DROSHA: variants seen among roughly 807,000 people sequenced by gnomAD.
The protein encoded by DROSHA is ribonuclease 3.
DROSHA carries 56 observed loss-of-function variants against 181.9 expected under a neutral mutation model. The observed-to-expected ratio is 0.31, with a 90% CI of 0.25 to 0.38. The LOEUF (loss-of-function observed/expected upper bound fraction) is 0.38. DROSHA is among the 10% of genes least tolerant of loss of function. The pLI is 1.00. For missense variants in DROSHA, 1,218 were observed against 1,743.5 expected (o/e 0.70, Z 5.37); for synonymous variants, 524 against 591.2 (o/e 0.89, Z 1.65).
chr5:31,484,380 C>CAAA lies in DROSHA; in HGVS notation c.1996+498_1996+500dup, dbSNP rs377304788. 8.8e-4 allele frequency among the ~76,000 whole-genome samples: 73 copies of CAAA among 82,968 alleles called. 6 individuals are homozygous for CAAA. The highest frequency in any genetic ancestry group is 3.4e-3 in the African/African-American group (56 of 16,614). 54.4% of individuals were successfully genotyped at this position (82,968 alleles called of 152,430 possible). ...TGGGCGACAGAGCGAGACTCCGTCT[C>CAAA]AAAAAAAAAAAAAAAAAAAAAAAAA... On this transcript the variant is annotated intron_variant, in intron 15 of 35. Transcript: ENST00000344624.
At chr5:31,455,753 A>G (rs1370318655) in intron 20 of DROSHA, among the ~76,000 whole-genome samples, 1 of 149,166 alleles carries the variant, frequency 6.7e-6, no homozygotes, top group Non-Finnish European at 1.5e-5. Flanking sequence ...TGATCCTCCC[A>G]CCTCAGCCTC....
rs1470885633 is a variant in DROSHA, at chr5:31,409,472, A to G, written c.3668-140T>C. On this transcript the variant is annotated intron_variant, in intron 31 of 35. Coordinates refer to ENST00000344624, the MANE Select transcript of DROSHA (RefSeq NM_001382508.1). This position sits in a 1 kb window ranked among gnomAD's most constrained non-coding sequence, Gnocchi z 4.0. ...CTTTATTTTTCAGTGCTACCATTTC[A>G]TCTTCCCCCACTTTTTATCATTAAT... is the stretch of plus-strand genomic sequence containing the variant. The G allele has an allele frequency of 1.5e-6, 1 of 683,532 alleles. No homozygotes were observed. Among genetic ancestry groups the G allele is most frequent in the African/African-American group, 1.8e-5 (1 of 55,066 alleles). The allele number at this position is 683,532 out of a possible 1,614,324, so 42.3% of individuals were successfully genotyped here.
intron 18 of DROSHA, chr5:31,467,628 A>C (rs1330392899): frequency 6.5e-6 from 1 of 154,392 alleles, no homozygotes; most frequent in African/African-American, 2.4e-5. Context: ...AAAATAAAAA[A>C]TAATAATTAT....
rs1040898144 is a variant in DROSHA at position 31,530,874 on chromosome 5, G to A, written c.-123C>T. The A allele has an allele frequency of 5.0e-6, 2 of 398,410 alleles. No homozygotes were observed. The highest frequency in any genetic ancestry group is 2.1e-5 in the African/African-American group (1 of 48,608). The allele number at this position is 398,410 out of a possible 1,614,324, so 24.7% of individuals were successfully genotyped here. A position where few individuals can be genotyped will look rare whatever the true frequency, so the allele number is the denominator to read the frequency against. On this transcript the variant is annotated 5_prime_UTR_variant, in exon 3 of 36. Transcript: ENST00000344624. ...TAGATTATCAGCTCCTTGATGATATGGGTTGATTCACAGTCATTTCTGTAT... is the reference window on the plus strand; with the variant it reads ...TAGATTATCAGCTCCTTGATGATATAGGTTGATTCACAGTCATTTCTGTAT...
At position 31,514,492 on chromosome 5, in the gene DROSHA, A is replaced by T. The variant is rs1176332635; in HGVS notation, c.1290+496T>A. On this transcript the variant is annotated intron_variant, in intron 8 of 35. Coordinates refer to ENST00000344624, the MANE Select transcript of DROSHA (RefSeq NM_001382508.1). The surrounding 1 kb of genome is among the most constrained non-coding windows in gnomAD (Gnocchi z 4.4). ...CTCATCTCTACTAAAAAATAAAAAA[A>T]AATTAGCCAGTCATGGTGGCACGTG... Among the ~76,000 whole-genome samples the T allele has an allele frequency of 6.6e-6, 1 of 152,000 alleles. No homozygotes were observed. The highest frequency in any genetic ancestry group is 1.5e-5 in the Non-Finnish European group (1 of 67,984).
rs561462275 is a variant in DROSHA at position 31,401,533 on chromosome 5, G to T, written c.4024C>A (p.Arg1342=). The T allele has an allele frequency of 1.2e-5, 19 of 1,595,168 alleles. No homozygotes were observed. In the African/African-American group the frequency reaches 2.6e-4, roughly 21 times the overall value. ...YNFPQMAHQK[R]FIERKYRQEL... is the part of the protein sequence containing the mutation. Reference sequence around the variant, plus strand: ...TGTCTGTACTTCCGTTCGATGAACCGCTTCTGATGGGCCATCTGGGGAAAA... The same window carrying T: ...TGTCTGTACTTCCGTTCGATGAACCTCTTCTGATGGGCCATCTGGGGAAAA... The change falls in exon 36 of 36, where the codon CGG becomes AGG. Residue 1342 remains arginine (R), a synonymous_variant. Transcript: ENST00000344624.
chr5:31,513,056 ACT>A (rs1463013537), intron 8 of DROSHA, among the ~76,000 whole-genome samples: 2 of 152,206 alleles, frequency 1.3e-5, no homozygotes, highest in African/African-American at 2.4e-5. Context: ...CATTTGTGGA[ACT>A]CTGTCATGGC....
At chr5:31,476,693 C>T (rs536394381) in intron 16 of DROSHA, among the ~76,000 whole-genome samples, 1 of 152,238 alleles carries the variant, frequency 6.6e-6, no homozygotes, top group African/African-American at 2.4e-5. Flanking sequence ...AGACTCTGCT[C>T]CCTGTCTGGT....
intron 25 of DROSHA, among the ~76,000 whole-genome samples, 166 bp downstream of exon 25, chr5:31,435,599 T>G (rs1045839416): frequency 6.6e-6 from 1 of 152,212 alleles, no homozygotes; most frequent in Admixed American, 6.5e-5. Context: ...GTAACAGAAC[T>G]AATAAGACTG....
At chr5:31,480,882 C>G (rs1750958276) in intron 16 of DROSHA, among the ~76,000 whole-genome samples, 2 of 152,024 alleles carry the variant, frequency 1.3e-5, no homozygotes. Context: ...ATGGGAAAGG[C>G]AAAATGCTAA....
intron 11 of DROSHA, among the ~76,000 whole-genome samples, chr5:31,499,753 A>G (rs1482670846): frequency 6.6e-6 from 1 of 152,206 alleles, no homozygotes; most frequent in East Asian, 1.9e-4. Flanking sequence ...GGGATGGGGT[A>G]AGAATCTGCC....
intron 35 of DROSHA, 130 bp downstream of exon 35, chr5:31,405,547 G>T: frequency 1.2e-6 from 1 of 857,152 alleles, no homozygotes; most frequent in Non-Finnish European, 1.8e-6. Flanking sequence ...TATTCTCTGT[G>T]TAAAGAATAA....
intron 6 of DROSHA, among the ~76,000 whole-genome samples, chr5:31,519,062 A>G (rs1739582101): frequency 6.6e-6 from 1 of 152,166 alleles, no homozygotes; most frequent in African/African-American, 2.4e-5. Flanking sequence ...CTTCTTACCA[A>G]TATGCCACAG....
At position 31,483,604 on chromosome 5, in the gene DROSHA, G is replaced by A. The variant is rs1426280391; in HGVS notation, c.2021C>T (p.Pro674Leu). The A allele has an allele frequency of 1.9e-6, 3 of 1,612,424 alleles. No homozygotes were observed. Among genetic ancestry groups the A allele is most frequent in the African/African-American group, 2.7e-5 (2 of 74,514 alleles). ...CATGAAATGAAATCTTGGGCAGCAG[G>A]GAGGGCTGTCTTCAAACAAAGGACC... ...LKGPLFEDSPPCCPRFHFMPR... is the reference protein window; with the variant it reads ...LKGPLFEDSPLCCPRFHFMPR... The change falls in exon 16 of 36, where the codon CCC becomes CTC. Residue 674 changes from proline to leucine, a missense_variant. By Grantham distance (98) the Pro-to-Leu change is moderately conservative. Around this residue, in one of 8 missense-constraint regions of DROSHA, gnomAD observed 460 missense variants for 774.2 expected, o/e 0.59. Transcript: ENST00000344624.
chr5:31,443,470 A>G (rs181029217), intron 23 of DROSHA, among the ~76,000 whole-genome samples: 1 of 152,238 alleles, frequency 6.6e-6, no homozygotes, highest in East Asian at 1.9e-4. Context: ...GATTACTTGA[A>G]TCCACCAAAT....
intron 19 of DROSHA, among the ~76,000 whole-genome samples, chr5:31,465,812 C>G (rs1195973684): frequency 6.6e-6 from 1 of 152,112 alleles, no homozygotes; most frequent in African/African-American, 2.4e-5. Context: ...TGCTCCCCAT[C>G]CACCTTCTAC....
intron 19 of DROSHA, 113 bp downstream of exon 19, chr5:31,466,069 T>A (rs1748968752): frequency 9.0e-7 from 1 of 1,116,990 alleles, no homozygotes; most frequent in African/African-American, 1.6e-5. Context: ...GTATGATTTT[T>A]TTAAAAAAAT....
intron 20 of DROSHA, among the ~76,000 whole-genome samples, chr5:31,461,563 T>A (rs1748404684): frequency 6.6e-6 from 1 of 152,162 alleles, no homozygotes; most frequent in Non-Finnish European, 1.5e-5. Context: ...AGTCAGTGGT[T>A]TATTTATTCC....
intron 2 of DROSHA, among the ~76,000 whole-genome samples, 188 bp from the exon 3 acceptor site, chr5:31,531,112 A>C (rs1231001994): frequency 2.0e-5 from 3 of 152,216 alleles, no homozygotes; most frequent in Admixed American, 6.5e-5. Flanking sequence ...AGAGATAATA[A>C]GACACACAGC....
Sources: allele counts gnomAD v4.1 joint callset (sites outside exome capture counted in the v4.1 genomes callset), GRCh38; gene constraint gnomAD v4.1.1; regional missense constraint gnomAD v4.1.1; non-coding constraint Gnocchi (gnomAD v3.1); transcripts MANE v1.5; gene names NCBI Gene and HGNC (gene_info 2026-07-23, HGNC 2026-07-21).